BRI3BP: variants seen among roughly 807,000 people sequenced by gnomAD.
BRI3BP encodes the protein BRI3 binding protein.
BRI3BP carries 7 observed loss-of-function variants against 15.8 expected under a neutral mutation model. That is an observed-to-expected ratio of 0.44 (90% CI 0.25 to 0.83). The LOEUF is 0.83. Among genes scored for constraint, BRI3BP ranks in the 40% least tolerant of loss-of-function variants. The pLI is 0.20. For missense variants in BRI3BP, 320 were observed against 339.3 expected (o/e 0.94, Z 0.45); for synonymous variants, 192 against 163.5 (o/e 1.17, Z -1.33).
the BRI3BP span, among the ~76,000 whole-genome samples, chr12:125,041,387 T>C: frequency 2.0e-5 from 3 of 152,116 alleles, no homozygotes; most frequent in Non-Finnish European, 4.4e-5. Context: ...CTTACATATT[T>C]TTTGGTTTCT....
Position 125,030,055 on chromosome 12 carries a change from A to G in BRI3BP, c.*4625A>G, listed in dbSNP as rs1433191588. On this transcript the variant is annotated 3_prime_UTR_variant, in exon 3 of 3. Transcript: ENST00000341446. ...GGAGCGTTAAGAATAACAGCTGTCAAATGGCCTAGACATGGTTAATGCAAT... is the reference window on the plus strand; with the variant it reads ...GGAGCGTTAAGAATAACAGCTGTCAGATGGCCTAGACATGGTTAATGCAAT... The G allele has an allele frequency of 1.3e-5, 2 of 152,194 alleles. No homozygotes were observed. The highest frequency in any genetic ancestry group is 4.8e-5 in the African/African-American group (2 of 41,458). 9.4% of individuals were successfully genotyped at this position (152,194 alleles called of 1,614,324 possible). A position where few individuals can be genotyped will look rare whatever the true frequency, so the allele number is the denominator to read the frequency against.
the BRI3BP span, among the ~76,000 whole-genome samples, chr12:125,044,110 G>C: frequency 1.3e-5 from 2 of 151,836 alleles, no homozygotes; most frequent in Admixed American, 1.3e-4. Context: ...GTTGGGATTA[G>C]AGCTCTTTTG....
intron 1 of BRI3BP, among the ~76,000 whole-genome samples, chr12:125,005,130 G>A (rs1414014203): frequency 3.9e-5 from 6 of 152,132 alleles, no homozygotes; most frequent in African/African-American, 7.2e-5. Flanking sequence ...TTACAGGTGT[G>A]AGCCACAGCG....
At chr12:125,044,450 AT>A in the BRI3BP span, among the ~76,000 whole-genome samples, 19,143 of 138,078 alleles carry the variant, frequency 0.14, 1,439 homozygotes, top group East Asian at 0.26. Context: ...TGCCCGGCCA[AT>A]TTTTTTTTTT....
intron 2 of BRI3BP, among the ~76,000 whole-genome samples, chr12:125,024,478 T>C (rs1955330470): frequency 6.6e-6 from 1 of 152,146 alleles, no homozygotes; most frequent in South Asian, 2.1e-4. Context: ...GGAGAGGTTT[T>C]TAAAACTCAA....
chr12:125,026,547 G>A lies in BRI3BP; in HGVS notation c.*1117G>A, dbSNP rs1322061043. On this transcript the variant is annotated 3_prime_UTR_variant, in exon 3 of 3. Transcript: ENST00000341446. ...CTTTTAGGCAGTCTCTGTGGGCAGA[G>A]AGTGGGACTTGCGAGGTGGACAGCT... 1 of 152,160 alleles carries A rather than the reference G, an allele frequency of 6.6e-6. No homozygotes were observed. The highest frequency in any genetic ancestry group is 1.5e-5 in the Non-Finnish European group (1 of 68,052). The allele number at this position is 152,160 out of a possible 1,614,324, so 9.4% of individuals were successfully genotyped here. A position where few individuals can be genotyped will look rare whatever the true frequency, so the allele number is the denominator to read the frequency against.
downstream of BRI3BP, among the ~76,000 whole-genome samples, chr12:125,031,428 G>A (rs1414806283): frequency 1.3e-5 from 2 of 152,078 alleles, no homozygotes; most frequent in African/African-American, 4.8e-5. Flanking sequence ...AGAAGTGTTG[G>A]TTGCTTATCT....
chr12:125,042,538 CT>C, the BRI3BP span, among the ~76,000 whole-genome samples: 11 of 145,864 alleles, frequency 7.5e-5, no homozygotes, highest in Admixed American at 2.1e-4. Flanking sequence ...TGCAATAGCA[CT>C]TTTTTTTTTG....
At chr12:125,037,218 C>T in the BRI3BP span, among the ~76,000 whole-genome samples, 5 of 152,142 alleles carry the variant, frequency 3.3e-5, no homozygotes, top group Admixed American at 1.3e-4. Context: ...TGCCACACGT[C>T]TAGCTAATTG....
rs192593873 is a variant in BRI3BP, at chr12:125,007,240, C to G, written c.214-5294C>G. The stretch of plus-strand genomic sequence containing the variant: ...ATTGCCATGTATTGACAAACATGTA[C>G]AAGTCACACATACTTTAAATAATTG... On this transcript the variant is annotated intron_variant, in intron 1 of 2. Transcript: ENST00000341446. 4.9e-4 allele frequency among the ~76,000 whole-genome samples: 75 copies of G among 152,050 alleles called. 1 individual carries two copies. Among genetic ancestry groups the G allele is most frequent in the African/African-American group, 1.7e-3 (71 of 41,458 alleles).
At chr12:125,038,594 C>T in the BRI3BP span, among the ~76,000 whole-genome samples, 7 of 151,538 alleles carry the variant, frequency 4.6e-5, no homozygotes, top group Admixed American at 3.3e-4. Flanking sequence ...GGAGAAACCC[C>T]GTCTCTACTA....
intron 2 of BRI3BP, among the ~76,000 whole-genome samples, chr12:125,017,817 C>T (rs1170708686): frequency 1.3e-5 from 2 of 152,166 alleles, no homozygotes; most frequent in African/African-American, 2.4e-5. Context: ...AAATAGGAAT[C>T]GTGCTTCAGT....
intron 2 of BRI3BP, among the ~76,000 whole-genome samples, chr12:125,014,822 G>A (rs1044772703): frequency 1.3e-5 from 2 of 152,140 alleles, no homozygotes; most frequent in Admixed American, 1.3e-4. Context: ...AGGCTGGAGT[G>A]CAGTGGCTCA....
rs1043861715 is a variant in BRI3BP, at chr12:125,028,246, C to A, written c.*2816C>A. The stretch of plus-strand genomic sequence containing the variant: ...ATGATCGCCAGCCCTGCCTTGGCCC[C>A]TCCCTTGTTTATGGTCATTGTAAGA... On this transcript the variant is annotated 3_prime_UTR_variant, in exon 3 of 3. Transcript: ENST00000341446. The A allele has an allele frequency of 6.6e-6, 1 of 152,396 alleles. No individual in the cohort carries two copies. The highest frequency in any genetic ancestry group is 1.9e-4 in the East Asian group (1 of 5,184). 9.4% of individuals were successfully genotyped at this position (152,396 alleles called of 1,614,324 possible). A position where few individuals can be genotyped will look rare whatever the true frequency, so the allele number is the denominator to read the frequency against.
chr12:125,032,472 AAAAT>A (rs1328169692), downstream of BRI3BP, among the ~76,000 whole-genome samples: 1 of 149,706 alleles, frequency 6.7e-6, no homozygotes, highest in Non-Finnish European at 1.5e-5. Flanking sequence ...ACAAACAAAA[AAAAT>A]TACTATTTTG....
rs1188716988 is a variant in BRI3BP at position 125,029,542 on chromosome 12, A to AG, written c.*4112_*4113insG. On this transcript the variant is annotated 3_prime_UTR_variant, in exon 3 of 3. Transcript: ENST00000341446. The stretch of plus-strand genomic sequence containing the variant: ...GTGAGACCCAGTCTCAAAAAAAAAA[A>AG]AAAGTGTGTGTGTGTGTATATATAT... 1 of 148,074 alleles carries AG rather than the reference A, an allele frequency of 6.8e-6. No homozygotes were observed. The highest frequency in any genetic ancestry group is 1.5e-5 in the Non-Finnish European group (1 of 67,670). 9.2% of individuals were successfully genotyped at this position (148,074 alleles called of 1,614,324 possible). A position where few individuals can be genotyped will look rare whatever the true frequency, so the allele number is the denominator to read the frequency against.
chr12:125,048,206 A>G, the BRI3BP span, among the ~76,000 whole-genome samples: 1 of 152,032 alleles, frequency 6.6e-6, no homozygotes, highest in Admixed American at 6.6e-5. Context: ...GGCACACTGT[A>G]GTAAAGGGAT....
At chr12:124,998,916 A>G (rs1413748991) in intron 1 of BRI3BP, among the ~76,000 whole-genome samples, 1 of 152,082 alleles carries the variant, frequency 6.6e-6, no homozygotes, top group Non-Finnish European at 1.5e-5. Context: ...ATCTCTACGA[A>G]AAACCAAAAC....
chr12:125,034,595 T>C (rs7976290), downstream of BRI3BP, among the ~76,000 whole-genome samples: 45,884 of 151,720 alleles, frequency 0.3, 7,232 homozygotes, highest in African/African-American at 0.4. Context: ...TTGTATTTTT[T>C]TTTTTTGGGC....
Sources: allele counts gnomAD v4.1 joint callset (sites outside exome capture counted in the v4.1 genomes callset), GRCh38; gene constraint gnomAD v4.1.1; transcripts MANE v1.5; gene names NCBI Gene and HGNC (gene_info 2026-07-23, HGNC 2026-07-21).